TCF12: variants seen among roughly 807,000 people sequenced by gnomAD.
TCF12 encodes transcription factor 12.
In TCF12, 45 loss-of-function variants were observed where a neutral mutation model predicts 86.0. The ratio of observed to expected loss-of-function variants is 0.52; its 90% confidence interval spans 0.41 to 0.67. The LOEUF is 0.67. TCF12 is among the 30% of genes least tolerant of loss of function. The pLI is 0.00. For missense variants in TCF12, 881 were observed against 859.9 expected, an observed-to-expected ratio of 1.02 and a Z score of -0.31; for synonymous variants, 330 against 299.6, an observed-to-expected ratio of 1.10 and a Z score of -1.05.
intron 3 of TCF12, among the ~76,000 whole-genome samples, chr15:56,950,084 C>T (rs1433905853): frequency 3.3e-5 from 5 of 152,160 alleles, no homozygotes; most frequent in Non-Finnish European, 7.3e-5. Flanking sequence ...TGAATGTATA[C>T]ATCATTCTCA....
At chr15:57,030,634 G>A (rs928094599) in intron 3 of TCF12, among the ~76,000 whole-genome samples, 4 of 151,980 alleles carry the variant, frequency 2.6e-5, no homozygotes, top group South Asian at 4.1e-4. Context: ...GAAAACTATC[G>A]CCCATTGTCT....
intron 4 of TCF12, among the ~76,000 whole-genome samples, chr15:57,080,923 A>G (rs1263236993): frequency 6.6e-6 from 1 of 152,176 alleles, no homozygotes; most frequent in Non-Finnish European, 1.5e-5. Flanking sequence ...TTAGCATCCC[A>G]GAAGACTACT....
At chr15:57,232,527 C>G in intron 10 of TCF12, 97 bp downstream of exon 10, 1 of 1,505,304 alleles carries the variant, frequency 6.6e-7, no homozygotes, top group African/African-American at 1.4e-5. Context: ...GCCAAAACTT[C>G]TGAAGTTTGA....
chr15:57,265,431 G>A (rs1338270437), intron 18 of TCF12, among the ~76,000 whole-genome samples: 6 of 152,080 alleles, frequency 3.9e-5, no homozygotes, highest in African/African-American at 7.2e-5. Context: ...ATGGCATCCC[G>A]TCCAGGATTG....
intron 13 of TCF12, among the ~76,000 whole-genome samples, chr15:57,246,202 A>G (rs2059851048): frequency 6.6e-6 from 1 of 152,180 alleles, no homozygotes; most frequent in Admixed American, 6.5e-5. Context: ...GACTTAGCAC[A>G]GGTCTTTTAA....
intron 4 of TCF12, among the ~76,000 whole-genome samples, chr15:57,072,293 T>C (rs2151004634): frequency 6.6e-6 from 1 of 152,348 alleles, no homozygotes; most frequent in South Asian, 2.1e-4. Context: ...TGGTAACTCC[T>C]GAATTAAACT....
rs145912268 is a variant in TCF12 at position 57,056,325 on chromosome 15, C to G, written c.149-7425C>G. Reference sequence around the variant, plus strand: ...CCAGCTACTTTTCTGTATTTTCAGTCGAGATGGGGTGTCAGCATGTTGGTC... The same window carrying G: ...CCAGCTACTTTTCTGTATTTTCAGTGGAGATGGGGTGTCAGCATGTTGGTC... On this transcript the variant is annotated intron_variant, in intron 3 of 20. Transcript: ENST00000333725. Among the ~76,000 whole-genome samples, 240 of 151,952 alleles carry G rather than the reference C, an allele frequency of 1.6e-3. 1 individual carries two copies. The highest frequency in any genetic ancestry group is 2.9e-3 in the South Asian group (14 of 4,806).
chr15:57,279,566 C>T (rs2061583389), intron 19 of TCF12, among the ~76,000 whole-genome samples: 1 of 152,124 alleles, frequency 6.6e-6, no homozygotes, highest in Admixed American at 6.5e-5. Context: ...TTTCACATTT[C>T]CTAGAGTCTG....
rs11270421 is a variant in TCF12 at position 57,177,608 on chromosome 15, CAGAG to C, written c.390+11169_390+11172del. ...TAATGTCCTATTTTTGTTAAAAGGC[CAGAG>C]AGAGAGAGAGAGAGAGAGAGAGAGA... On this transcript the variant is annotated intron_variant, in intron 6 of 20. Transcript: ENST00000333725. Among the ~76,000 whole-genome samples the C allele has an allele frequency of 7.0e-3, 867 of 123,000 alleles. 23 individuals carry two copies. The highest frequency in any genetic ancestry group is 0.015 in the South Asian group (45 of 3,074). 80.7% of individuals were successfully genotyped at this position (123,000 alleles called of 152,430 possible).
intron 18 of TCF12, among the ~76,000 whole-genome samples, chr15:57,266,105 ATTTATTT>A (rs2060857133): frequency 6.7e-6 from 1 of 148,538 alleles, no homozygotes; most frequent in Non-Finnish European, 1.5e-5. Flanking sequence ...TTATTTATTT[ATTTATTT>A]ATTTATTTAT....
intron 3 of TCF12, among the ~76,000 whole-genome samples, chr15:57,045,172 C>G (rs753970248): frequency 2.0e-5 from 3 of 152,130 alleles, no homozygotes; most frequent in Non-Finnish European, 2.9e-5. Context: ...GAGATGTGTT[C>G]CAGACACATT....
intron 3 of TCF12, among the ~76,000 whole-genome samples, chr15:57,002,857 C>G (rs2064133286): frequency 6.6e-6 from 1 of 152,116 alleles, no homozygotes; most frequent in Non-Finnish European, 1.5e-5. Flanking sequence ...TTTACATACT[C>G]GCACCTGCAA....
At chr15:57,165,644 C>G (rs550661625) in intron 5 of TCF12, among the ~76,000 whole-genome samples, 2 of 151,738 alleles carry the variant, frequency 1.3e-5, no homozygotes, top group Non-Finnish European at 2.9e-5. Context: ...TCAAGTGATT[C>G]TCCTGCCTCA....
chr15:57,072,263 G>A (rs534411962), intron 4 of TCF12, among the ~76,000 whole-genome samples: 2 of 152,162 alleles, frequency 1.3e-5, no homozygotes, highest in African/African-American at 4.8e-5. Flanking sequence ...AAATCATGTA[G>A]ACTCACTTCA....
At chr15:56,941,392 G>T (rs1416946903) in intron 3 of TCF12, among the ~76,000 whole-genome samples, 11 of 144,774 alleles carry the variant, frequency 7.6e-5, no homozygotes, top group Admixed American at 7.5e-4. Context: ...TTTTTTTTGA[G>T]ATGGAGTTTT....
At chr15:57,008,623 T>C (rs2064628341) in intron 3 of TCF12, among the ~76,000 whole-genome samples, 1 of 152,180 alleles carries the variant, frequency 6.6e-6, no homozygotes, top group South Asian at 2.1e-4. Context: ...TTTATTGAAG[T>C]CCTTATTGTC....
At chr15:57,089,749 C>T (rs1286043647) in intron 4 of TCF12, among the ~76,000 whole-genome samples, 1 of 152,028 alleles carries the variant, frequency 6.6e-6, no homozygotes, top group African/African-American at 2.4e-5. Flanking sequence ...CATTTTTCTA[C>T]AGTAGTATTG....
At chr15:57,237,409 GC>G (rs546293902) in intron 12 of TCF12, among the ~76,000 whole-genome samples, 62 of 152,242 alleles carry the variant, frequency 4.1e-4, no homozygotes, top group Admixed American at 2.1e-3. Flanking sequence ...TTTGTCTAAA[GC>G]CCTTTTCATT....
chr15:57,246,418 A>G (rs536867824), intron 13 of TCF12, among the ~76,000 whole-genome samples: 2 of 152,310 alleles, frequency 1.3e-5, no homozygotes, highest in African/African-American at 2.4e-5. Context: ...TAGTCTGAAC[A>G]GTAAGAGGAT....
Sources: gnomAD v4.1 joint callset for allele counts (sites outside exome capture counted in the v4.1 genomes callset) on GRCh38, gnomAD v4.1.1 for gene constraint, MANE v1.5 for transcripts, NCBI Gene and HGNC (gene_info 2026-07-23, HGNC 2026-07-21) for gene names.